The following SMC5 variants were observed in gnomAD, a reference collection of about 807,000 sequenced individuals.
SMC5 encodes structural maintenance of chromosomes protein 5.
In SMC5, 88 loss-of-function variants were observed where a neutral mutation model predicts 148.3. That is an observed-to-expected ratio of 0.59 (90% confidence interval 0.50 to 0.71). SMC5 has a LOEUF of 0.71. Ranked by LOEUF, SMC5 falls within the 30% of genes least tolerant of loss-of-function variation. The pLI, the probability that SMC5 is intolerant of heterozygous loss-of-function variation, is 0.00. For synonymous variants in SMC5, 421 were observed against 432.8 expected (o/e 0.97, Z 0.34); for missense variants, 1,142 against 1,298.9 (o/e 0.88, Z 1.86).
chr9:70,308,344 G>T (rs1487611695), intron 11 of SMC5, among the ~76,000 whole-genome samples: 1 of 151,736 alleles, frequency 6.6e-6, no homozygotes, highest in Non-Finnish European at 1.5e-5. Context: ...GGTGGCTCAC[G>T]CTCGTAATCC....
rs149095440 is a variant in SMC5 at position 70,302,970 on chromosome 9, C to T, written c.1465-2277C>T. ...TGGGGCCAGGCATGTTGGCTCATGCCTATAATTCCAGCATTTTGGGAGGCT... is the reference window on the plus strand; with the variant it reads ...TGGGGCCAGGCATGTTGGCTCATGCTTATAATTCCAGCATTTTGGGAGGCT... On this transcript the variant is annotated intron_variant, in intron 10 of 24. Transcript: ENST00000361138. 3.8e-3 allele frequency among the ~76,000 whole-genome samples: 573 copies of T among 152,256 alleles called. 2 individuals carry two copies. Among genetic ancestry groups the T allele is most frequent in the African/African-American group, 0.013 (547 of 41,542 alleles).
intron 11 of SMC5, among the ~76,000 whole-genome samples, chr9:70,307,718 G>A (rs2035544399): frequency 6.6e-6 from 1 of 152,034 alleles, no homozygotes; most frequent in Non-Finnish European, 1.5e-5. Flanking sequence ...TGACCAGGCT[G>A]CTCTCGAACT....
chr9:70,340,852 T>C (rs1160971180), intron 17 of SMC5, among the ~76,000 whole-genome samples: 1 of 152,136 alleles, frequency 6.6e-6, no homozygotes, highest in Non-Finnish European at 1.5e-5. Context: ...AAGTGAACTT[T>C]CCATAAAAAG....
chr9:70,295,470 C>CAAA (rs767989666), intron 8 of SMC5, among the ~76,000 whole-genome samples: 143 of 81,428 alleles, frequency 1.8e-3, no homozygotes, highest in East Asian at 0.016. Context: ...GACCCTGTCT[C>CAAA]AAAAAAAAAA....
At chr9:70,310,422 G>A (rs1040182486) in intron 11 of SMC5, among the ~76,000 whole-genome samples, 1 of 152,036 alleles carries the variant, frequency 6.6e-6, no homozygotes, top group Non-Finnish European at 1.5e-5. Context: ...TTTTTTCTGA[G>A]GAGTAGGTCT....
intron 22 of SMC5, 74 bp from the exon 23 acceptor site, chr9:70,350,040 C>T (rs1054469177): frequency 9.2e-7 from 1 of 1,088,354 alleles, no homozygotes; most frequent in Non-Finnish European, 1.3e-6. Context: ...TCAGTTAATT[C>T]AATCCATTTT....
rs1462550347 is a variant in SMC5 at position 70,352,224 on chromosome 9, A to G, written c.3199A>G (p.Thr1067Ala). Residue 1067 changes from threonine (T) to alanine (A), a missense_variant, in exon 25 of 25, where the codon ACA becomes GCA. Around this residue, in one of 5 missense-constraint regions of SMC5, gnomAD observed 63 missense variants for 65.7 expected, o/e 0.96. Transcript: ENST00000361138. Reference sequence around the variant, plus strand: ...AAATCTTCCTTATTCTGAAAAGATGACAGTTTTGTTTGTCTACAATGGCCC... The same window carrying G: ...AAATCTTCCTTATTCTGAAAAGATGGCAGTTTTGTTTGTCTACAATGGCCC... ...LQNLPYSEKM[T>A]VLFVYNGPHM... The G allele has an allele frequency of 6.2e-7, 1 of 1,611,380 alleles. No individual in the cohort carries two copies. The highest frequency in any genetic ancestry group is 8.5e-7 in the Non-Finnish European group (1 of 1,179,324).
intron 7 of SMC5, 22 bp from the exon 8 acceptor site, chr9:70,286,178 T>G: frequency 2.5e-3 from 2,238 of 882,748 alleles, no homozygotes; most frequent in Non-Finnish European, 3.6e-3. Flanking sequence ...TGTCCCCCCC[T>G]CTCCCCGGTT....
Position 70,300,063 on chromosome 9 carries a change from G to T in SMC5, c.1327G>T (p.Val443Leu). Residue 443 changes from valine (V) to leucine (L), a missense_variant, in exon 10 of 25, where the codon GTA becomes TTA. Coordinates refer to ENST00000361138, the MANE Select transcript of SMC5 (RefSeq NM_015110.4). ...KEKKSVDDHI[V>L]RFDNLMNQKE... ...AATTTTAGGTGTGGACGATCATATT[G>T]TACGTTTTGACAATCTTATGAATCA... 1 of 1,583,604 alleles carries T rather than the reference G, an allele frequency of 6.3e-7. No individual in the cohort carries two copies. Among genetic ancestry groups the T allele is most frequent in the Non-Finnish European group, 8.5e-7 (1 of 1,172,078 alleles).
intron 17 of SMC5, among the ~76,000 whole-genome samples, chr9:70,336,496 T>C (rs1394525622): frequency 2.0e-5 from 3 of 152,124 alleles, no homozygotes; most frequent in Non-Finnish European, 4.4e-5. Context: ...GCAGAATGAA[T>C]AGCAATAGTA....
chr9:70,344,953 A>G (rs1274505437), intron 18 of SMC5, among the ~76,000 whole-genome samples: 1 of 152,188 alleles, frequency 6.6e-6, no homozygotes, highest in Non-Finnish European at 1.5e-5. Flanking sequence ...CTAAAGATAT[A>G]AACAACTGGA....
At chr9:70,299,689 C>T (rs1033340461) in intron 9 of SMC5, among the ~76,000 whole-genome samples, 2 of 149,426 alleles carry the variant, frequency 1.3e-5, no homozygotes, top group African/African-American at 4.9e-5. Context: ...GTTGTATATA[C>T]AATTCTAGAA....
intron 15 of SMC5, among the ~76,000 whole-genome samples, chr9:70,322,731 G>A (rs2035980610): frequency 6.6e-6 from 1 of 152,142 alleles, no homozygotes; most frequent in African/African-American, 2.4e-5. Flanking sequence ...AGCTTCTCGG[G>A]AGGCTGAGGC....
In SMC5 at chr9:70,353,764, A is replaced by G. The variant is rs1035740445; in HGVS notation, c.*1433A>G. On this transcript the variant is annotated 3_prime_UTR_variant, in exon 25 of 25. Transcript: ENST00000361138. ...CTAACTCCAGTGCATGAAGTGTGAA[A>G]ATATTTTAAAATGACATTTTTACTA... is the stretch of plus-strand genomic sequence containing the variant. 1 of 152,248 alleles carries G rather than the reference A, an allele frequency of 6.6e-6. No homozygotes were observed. The highest frequency in any genetic ancestry group is 2.4e-5 in the African/African-American group (1 of 41,468). The allele number at this position is 152,248 out of a possible 1,614,324, so 9.4% of individuals were successfully genotyped here.
intron 13 of SMC5, among the ~76,000 whole-genome samples, chr9:70,318,312 TG>T (rs2035861073): frequency 6.6e-6 from 1 of 151,772 alleles, no homozygotes; most frequent in African/African-American, 2.4e-5. Context: ...CACTTGAGCC[TG>T]GGGGGTTGAG....
intron 1 of SMC5, among the ~76,000 whole-genome samples, chr9:70,261,045 A>T (rs1348364401): frequency 1.3e-5 from 2 of 152,186 alleles, no homozygotes; most frequent in Admixed American, 1.3e-4. Context: ...GCCTAAGAAG[A>T]TAGGAAAGTC....
intron 17 of SMC5, among the ~76,000 whole-genome samples, chr9:70,331,006 AATACTTT>A (rs1431991205): frequency 1.3e-5 from 2 of 152,210 alleles, no homozygotes; most frequent in Admixed American, 6.5e-5. Context: ...TAGTCTTCAA[AATACTTT>A]ATACTTAAAA....
intron 15 of SMC5, among the ~76,000 whole-genome samples, chr9:70,320,314 T>C (rs756453228): frequency 5.7e-4 from 86 of 152,060 alleles, no homozygotes; most frequent in Non-Finnish European, 1.2e-3. Context: ...ACCCCAACAC[T>C]TTGTGAGGCC....
At chr9:70,268,949 C>T (rs1202240696) in intron 3 of SMC5, among the ~76,000 whole-genome samples, 1 of 152,050 alleles carries the variant, frequency 6.6e-6, no homozygotes, top group Non-Finnish European at 1.5e-5. Flanking sequence ...TAATTTTAAT[C>T]CTTTACACAT....
Sources: gnomAD v4.1 joint callset for allele counts (sites outside exome capture counted in the v4.1 genomes callset) on GRCh38, gnomAD v4.1.1 for gene constraint, gnomAD v4.1.1 regional missense constraint, MANE v1.5 for transcripts, NCBI Gene and HGNC (gene_info 2026-07-23, HGNC 2026-07-21) for gene names.